POLQ: variants seen among roughly 807,000 people sequenced by gnomAD.
POLQ encodes epididymis secretory sperm binding protein.
Under a neutral mutation model 259.2 loss-of-function variants are expected in POLQ, and 233 were observed. The observed-to-expected ratio is 0.90, with a 90% CI of 0.81 to 1.00. The LOEUF is 1.00. Ranked by LOEUF, POLQ falls within the 50% of genes least tolerant of loss-of-function variation. The probability of loss-of-function intolerance (pLI) is 0.00; values close to 1 mark genes in which losing one functional copy is unlikely to be tolerated. For missense variants in POLQ, 2,871 were observed against 3,051.6 expected (o/e 0.94, Z 1.39); for synonymous variants, 1,025 against 1,048.8 (o/e 0.98, Z 0.44).
intron 7 of POLQ, among the ~76,000 whole-genome samples, chr3:121,524,736 G>A (rs1479189799): frequency 1.3e-5 from 2 of 152,006 alleles, no homozygotes; most frequent in Non-Finnish European, 2.9e-5. Flanking sequence ...AGAGGGAAGA[G>A]ACAGCAAAAG....
chr3:121,448,636 A>G (rs1409552216), intron 26 of POLQ, among the ~76,000 whole-genome samples: 5 of 152,098 alleles, frequency 3.3e-5, no homozygotes, highest in Non-Finnish European at 7.3e-5. Flanking sequence ...AAGTGCTGGG[A>G]TTACAGACGT....
At chr3:121,532,737 T>G (rs2048420438) in intron 6 of POLQ, among the ~76,000 whole-genome samples, 1 of 152,072 alleles carries the variant, frequency 6.6e-6, no homozygotes, top group Non-Finnish European at 1.5e-5. Flanking sequence ...TTTCACATGT[T>G]GGCCATGATG....
chr3:121,537,289 A>C, intron 4 of POLQ, 81 bp from the exon 5 acceptor site: 1 of 783,196 alleles, frequency 1.3e-6, no homozygotes, highest in Non-Finnish European at 2.2e-6. Context: ...ATTTCACTCT[A>C]TTTAATTTCC....
At chr3:121,438,391 A>G (rs920168529) in intron 27 of POLQ, among the ~76,000 whole-genome samples, 6 of 152,218 alleles carry the variant, frequency 3.9e-5, no homozygotes, top group Admixed American at 2.0e-4. Flanking sequence ...TTTATCATGT[A>G]AATTCCAGAA....
At chr3:121,500,420 C>T (rs562605110) in intron 12 of POLQ, among the ~76,000 whole-genome samples, 19 of 152,248 alleles carry the variant, frequency 1.2e-4, no homozygotes, top group Admixed American at 5.9e-4. Flanking sequence ...GCGTGAGCCA[C>T]CAAACCTGGA....
chr3:121,470,072 AG>A (rs1424670006), intron 22 of POLQ, among the ~76,000 whole-genome samples: 1 of 152,152 alleles, frequency 6.6e-6, no homozygotes, highest in Non-Finnish European at 1.5e-5. Flanking sequence ...TGGGAGGCTG[AG>A]GTGGGTGGAT....
In POLQ at chr3:121,471,961, T is replaced by G. The variant is rs200545531; in HGVS notation, c.6718+29A>C. 2.6e-5 allele frequency: 33 copies of G among 1,258,940 alleles called. No homozygotes were observed. The South Asian group carries it at 5.7e-4, about 22-fold the overall frequency. The allele number at this position is 1,258,940 out of a possible 1,614,324, so 78.0% of individuals were successfully genotyped here. A position where few individuals can be genotyped will look rare whatever the true frequency, so the allele number is the denominator to read the frequency against. ...AAAATGCTTTTCCTTCAAAATTGGA[T>G]ATTGTTTATACTTAAGATTTCTCAT... On this transcript the variant is annotated intron_variant, in intron 22 of 29. Coordinates refer to ENST00000264233, the MANE Select transcript of POLQ (RefSeq NM_199420.4).
At chr3:121,474,806 A>G (rs1386833743) in intron 20 of POLQ, among the ~76,000 whole-genome samples, 2 of 152,208 alleles carry the variant, frequency 1.3e-5, no homozygotes, top group African/African-American at 4.8e-5. Flanking sequence ...ACCAAATAAA[A>G]TTACAAAATG....
intron 27 of POLQ, 54 bp downstream of exon 27, chr3:121,439,938 A>G (rs2047575996): frequency 6.7e-7 from 1 of 1,490,634 alleles, no homozygotes; most frequent in Non-Finnish European, 9.3e-7. Context: ...CTCTGCTGAA[A>G]AAGTACATGT....
At chr3:121,474,109 T>C (rs2047906740) in intron 20 of POLQ, among the ~76,000 whole-genome samples, 2 of 152,224 alleles carry the variant, frequency 1.3e-5, no homozygotes, top group Admixed American at 6.5e-5. Context: ...TTGAGACTTA[T>C]TGCTCTAAGA....
chr3:121,432,838 T>A, intron 29 of POLQ, 80 bp downstream of exon 29: 1 of 845,712 alleles, frequency 1.2e-6, no homozygotes, highest in South Asian at 1.4e-5. Context: ...AAAATCCTCA[T>A]GCACAGGAAA....
chr3:121,435,675 A>G (rs2047537936), intron 28 of POLQ, among the ~76,000 whole-genome samples: 1 of 152,214 alleles, frequency 6.6e-6, no homozygotes, highest in African/African-American at 2.4e-5. Context: ...GAGTTTCCCA[A>G]AGAGGGTTAC....
chr3:121,529,185 G>T (rs565418852), intron 7 of POLQ, among the ~76,000 whole-genome samples: 2 of 136,950 alleles, frequency 1.5e-5, no homozygotes, highest in Non-Finnish European at 3.2e-5. Flanking sequence ...ATAAATGAAC[G>T]CACGCAATTC....
At chr3:121,537,246 G>A in intron 4 of POLQ, 38 bp from the exon 5 acceptor site, 3 of 1,128,654 alleles carry the variant, frequency 2.7e-6, no homozygotes, top group Non-Finnish European at 2.7e-6. Context: ...TTTACAGAAT[G>A]TCACATCCAT....
Position 121,544,712 on chromosome 3 carries a change from C to T in POLQ, c.343+15G>A. On this transcript the variant is annotated intron_variant, in intron 2 of 29. Transcript: ENST00000264233. ...TATCTTAAAAATAGTAATTAGTTTA[C>T]ATAAATTTGGATACCTGAATAAACT... is the stretch of plus-strand genomic sequence containing the variant. The T allele has an allele frequency of 6.5e-7, 1 of 1,531,172 alleles. No individual in the cohort carries two copies. The highest frequency in any genetic ancestry group is 9.0e-7 in the Non-Finnish European group (1 of 1,106,904). The allele number at this position is 1,531,172 out of a possible 1,614,324, so 94.8% of individuals were successfully genotyped here.
At position 121,487,641 on chromosome 3, in the gene POLQ, T is replaced by C. The variant is rs892240475; in HGVS notation, c.5290A>G (p.Asn1764Asp). Residue 1764 changes from asparagine to aspartate, a missense_variant, in exon 16 of 30, where the codon AAT (asparagine) becomes GAT (aspartate). Coordinates refer to ENST00000264233, the MANE Select transcript of POLQ (RefSeq NM_199420.4). ...TAACTTTCACCAGGTTGTAAAACAT[T>C]ATTAGTTTTCCAAGGGTTTACAGGT... ...ETPVNPWKTN[N>D]VLQPGESYLF... The C allele has an allele frequency of 6.2e-7, 1 of 1,613,432 alleles. No homozygotes were observed. The highest frequency in any genetic ancestry group is 8.5e-7 in the Non-Finnish European group (1 of 1,179,550).
chr3:121,511,866 A>G, intron 10 of POLQ, 21 bp downstream of exon 10: 1 of 1,583,518 alleles, frequency 6.3e-7, no homozygotes, highest in Non-Finnish European at 8.6e-7. Flanking sequence ...GCAAATGGTA[A>G]TTTAGTAAAT....
chr3:121,459,389 T>TTG (rs2047772259), intron 25 of POLQ, among the ~76,000 whole-genome samples: 1 of 147,280 alleles, frequency 6.8e-6, no homozygotes, highest in Admixed American at 6.8e-5. Context: ...TTTTTTTTTT[T>TTG]TTTGTTTTTC....
At chr3:121,494,963 CA>C (rs35833957) in intron 14 of POLQ, 50,761 of 526,730 alleles carry the variant, frequency 0.096, 2 homozygotes, top group Middle Eastern at 0.11. Context: ...TACAAATTTT[CA>C]AAAAAAAAAA....
Sources: gnomAD v4.1 joint callset for allele counts (sites outside exome capture counted in the v4.1 genomes callset) on GRCh38, gnomAD v4.1.1 for gene constraint, MANE v1.5 for transcripts, NCBI Gene and HGNC (gene_info 2026-07-23, HGNC 2026-07-21) for gene names.